The following VPS13D variants were observed in gnomAD, a reference collection of about 807,000 sequenced individuals.
VPS13D encodes intermembrane lipid transfer protein VPS13D.
In VPS13D, 187 loss-of-function variants were observed where a neutral mutation model predicts 461.9. The observed-to-expected ratio is 0.40, with a 90% CI of 0.36 to 0.46. VPS13D has a LOEUF of 0.46. VPS13D is among the 20% of genes least tolerant of loss of function. The pLI is 0.60. For synonymous variants in VPS13D, 1,951 were observed against 1,986.3 expected (o/e 0.98, Z 0.47); for missense variants, 4,711 against 5,364.9 (o/e 0.88, Z 3.81).
chr1:12,476,047 T>TA (rs1645627286), intron 67 of VPS13D, among the ~76,000 whole-genome samples: 1 of 152,090 alleles, frequency 6.6e-6, no homozygotes, highest in Non-Finnish European at 1.5e-5. Flanking sequence ...AGTGCTAGAG[T>TA]AAATAGCAGT....
At chr1:12,426,659 T>C (rs1644927416) in intron 65 of VPS13D, among the ~76,000 whole-genome samples, 1 of 152,194 alleles carries the variant, frequency 6.6e-6, no homozygotes, top group African/African-American at 2.4e-5. Flanking sequence ...AGTGACACCA[T>C]TGCTTGAATT....
intron 67 of VPS13D, chr1:12,478,480 T>G: frequency 4.1e-6 from 1 of 246,156 alleles, no homozygotes; most frequent in Non-Finnish European, 8.2e-6. Context: ...TCGAGTCTTG[T>G]ACTGCCGCCA....
At chr1:12,377,082 G>A (rs576051976) in intron 55 of VPS13D, among the ~76,000 whole-genome samples, 1 of 148,990 alleles carries the variant, frequency 6.7e-6, no homozygotes, top group African/African-American at 2.5e-5. Flanking sequence ...TTTTTGAGAC[G>A]GAGTTTCGCT....
Position 12,273,147 on chromosome 1 carries a change from G to A in VPS13D, c.2236+12G>A, listed in dbSNP as rs749667690. 8 of 1,611,774 alleles carry A rather than the reference G, an allele frequency of 5.0e-6. No individual in the cohort carries two copies. In the South Asian group the frequency reaches 7.7e-5, roughly 16 times the overall value. On this transcript the variant is annotated intron_variant, in intron 18 of 69. Coordinates refer to ENST00000620676, the MANE Select transcript of VPS13D (RefSeq NM_015378.4). The stretch of plus-strand genomic sequence containing the variant: ...GACGAACACCCAAGGTATAGTGTGA[G>A]TGGGAAATAATGAAAACCTGCCTTG...
rs765995371 is a variant in VPS13D at position 12,244,219 on chromosome 1, T to C, written c.176-27T>C. ...AAGAATTAAAAATGTGTACAGATGG[T>C]GAACAAGACTTTCCTTCTCCTTCCA... On this transcript the variant is annotated intron_variant, in intron 3 of 69. Transcript: ENST00000620676. 3.0e-5 allele frequency: 48 copies of C among 1,587,582 alleles called. 3 individuals are homozygous for C. In the South Asian group the frequency reaches 5.5e-4, roughly 18 times the overall value.
intron 65 of VPS13D, among the ~76,000 whole-genome samples, chr1:12,441,116 G>A (rs1450467187): frequency 6.6e-6 from 1 of 151,972 alleles, no homozygotes; most frequent in Admixed American, 6.6e-5. Context: ...AGTAGAGACG[G>A]GGTTTCGCCA....
In VPS13D at chr1:12,374,732, G is replaced by A. The variant is rs141558435; in HGVS notation, c.10917+874G>A. Among the ~76,000 whole-genome samples the A allele has an allele frequency of 4.2e-3, 646 of 152,198 alleles. 3 individuals carry two copies. The highest frequency in any genetic ancestry group is 0.015 in the African/African-American group (622 of 41,538). ...ACTGTGTCAGTATGTGTATGCGTAT[G>A]TATGTATGTATTTATTTATTTTTGA... On this transcript the variant is annotated intron_variant, in intron 55 of 69. Coordinates refer to ENST00000620676, the MANE Select transcript of VPS13D (RefSeq NM_015378.4).
intron 29 of VPS13D, 35 bp from the exon 30 acceptor site, chr1:12,314,080 T>C: frequency 6.3e-7 from 1 of 1,593,360 alleles, no homozygotes; most frequent in Non-Finnish European, 8.6e-7. Flanking sequence ...AGAGTTGTGT[T>C]TCACATCTTG....
intron 50 of VPS13D, among the ~76,000 whole-genome samples, chr1:12,359,412 G>A (rs1643919053): frequency 6.6e-6 from 1 of 152,106 alleles, no homozygotes; most frequent in African/African-American, 2.4e-5. Context: ...CTATCTAGTA[G>A]TAGCCACTAG....
chr1:12,239,054 G>C (rs1463118297), intron 2 of VPS13D, among the ~76,000 whole-genome samples: 1 of 152,198 alleles, frequency 6.6e-6, no homozygotes, highest in Non-Finnish European at 1.5e-5. Context: ...GGCATCATGC[G>C]ATGGGGTGTG....
intron 67 of VPS13D, among the ~76,000 whole-genome samples, chr1:12,475,313 G>T (rs895983894): frequency 1.3e-5 from 2 of 152,156 alleles, no homozygotes; most frequent in Admixed American, 1.3e-4. Context: ...CCATACAAAG[G>T]GGGAGAGGGT....
chr1:12,333,447 A>C, intron 38 of VPS13D, 81 bp downstream of exon 38: 2 of 1,542,822 alleles, frequency 1.3e-6, no homozygotes, highest in South Asian at 2.4e-5. Flanking sequence ...ATCCTGGTTT[A>C]GCAAATACCT....
chr1:12,340,099 C>T (rs1307635327), intron 40 of VPS13D, among the ~76,000 whole-genome samples: 1 of 152,164 alleles, frequency 6.6e-6, no homozygotes, highest in Non-Finnish European at 1.5e-5. Flanking sequence ...GTTTACCCTG[C>T]AGACAGCTCT....
chr1:12,486,424 C>G (rs1010049399), intron 67 of VPS13D, among the ~76,000 whole-genome samples: 2 of 152,184 alleles, frequency 1.3e-5, no homozygotes, highest in African/African-American at 4.8e-5. Context: ...GTGCCGTGAC[C>G]TGATCCCTTG....
intron 67 of VPS13D, among the ~76,000 whole-genome samples, chr1:12,482,720 G>A (rs1645735757): frequency 7.0e-6 from 1 of 143,242 alleles, no homozygotes. Context: ...ATCTCTATGG[G>A]TATATATGTG....
At chr1:12,379,353 G>T (rs988949320) in intron 56 of VPS13D, 135 bp from the exon 57 acceptor site, 2 of 696,896 alleles carry the variant, frequency 2.9e-6, no homozygotes, top group Non-Finnish European at 4.6e-6. Flanking sequence ...TAGGATTCAA[G>T]CTAACTACCC....
At position 12,321,770 on chromosome 1, in the gene VPS13D, C is replaced by A. The variant is rs781166157; in HGVS notation, c.7549-39C>A. ...GCTGGTAGTTGGACCCTTCCTAAAT[C>A]AGACATTAATTCTCGCCATATTGCA... On this transcript the variant is annotated intron_variant, in intron 32 of 69. Transcript: ENST00000620676. The A allele has an allele frequency of 4.5e-6, 7 of 1,572,462 alleles. No homozygotes were observed. In the African/African-American group the frequency reaches 6.9e-5, roughly 15 times the overall value.
intron 66 of VPS13D, 148 bp from the exon 67 acceptor site, chr1:12,460,053 C>G: frequency 1.9e-6 from 1 of 526,162 alleles, no homozygotes; most frequent in South Asian, 4.6e-5. Context: ...GCAGGATCCT[C>G]TTCTGTGAGT....
chr1:12,337,480 C>T lies in VPS13D; in HGVS notation c.8552-751C>T, dbSNP rs181964807. 2.6e-5 allele frequency: 4 copies of T among 152,220 alleles called. No individual in the cohort carries two copies. In the East Asian group the frequency reaches 5.8e-4, roughly 22 times the overall value. 9.4% of individuals were successfully genotyped at this position (152,220 alleles called of 1,614,324 possible). A position where few individuals can be genotyped will look rare whatever the true frequency, so the allele number is the denominator to read the frequency against. ...CTTAAAACAAGCTCTTGGGAATAGC[C>T]CTTAACATGAAATTTAGCCTAAGGG... On this transcript the variant is annotated intron_variant, in intron 39 of 69. Transcript: ENST00000620676.
Sources: allele counts gnomAD v4.1 joint callset (sites outside exome capture counted in the v4.1 genomes callset), GRCh38; gene constraint gnomAD v4.1.1; transcripts MANE v1.5; gene names NCBI Gene and HGNC (gene_info 2026-07-23, HGNC 2026-07-21).